The following PRKCH variants were observed in gnomAD, a reference collection of about 807,000 sequenced individuals.
PRKCH encodes the protein protein kinase C eta type.
Under a neutral mutation model 82.5 loss-of-function variants are expected in PRKCH, and 28 were observed. The ratio of observed to expected loss-of-function variants is 0.34; its 90% CI spans 0.25 to 0.47. The LOEUF (loss-of-function observed/expected upper bound fraction) is 0.47. Ranked by LOEUF, PRKCH falls within the 20% of genes least tolerant of loss-of-function variation. The pLI, the probability that PRKCH is intolerant of heterozygous loss-of-function variation, is 1.00. For missense variants in PRKCH, 705 were observed against 881.8 expected, an observed-to-expected ratio of 0.80 and a Z score of 2.54; for synonymous variants, 322 against 327.4, an observed-to-expected ratio of 0.98 and a Z score of 0.18.
chr14:61,274,450 T>TA lies in PRKCH; in HGVS notation c.-19+86782_-19+86783insA, dbSNP rs1457267425. ...TGTTTTATGTAGCTCATTGTGGCTG[T>TA]GATGTGGAGAATAAACTGGAGCCCA... is the stretch of plus-strand genomic sequence containing the variant. On this transcript the variant is annotated intron_variant, in intron 1 of 3. Coordinates refer to the PRKCH transcript ENST00000555185. Among the ~76,000 whole-genome samples, 4 of 152,318 alleles carry TA rather than the reference T, an allele frequency of 2.6e-5. No individual in the cohort carries two copies. In the East Asian group the frequency reaches 7.7e-4, roughly 29 times the overall value.
intron 1 of PRKCH, among the ~76,000 whole-genome samples, chr14:61,244,580 G>A (rs1423042181): frequency 6.6e-6 from 1 of 152,120 alleles, no homozygotes; most frequent in Non-Finnish European, 1.5e-5. Context: ...AATCAACTGG[G>A]CATGTCCTGA....
chr14:61,549,596 G>T, intron 13 of PRKCH, 89 bp from the exon 14 acceptor site: 1 of 1,430,034 alleles, frequency 7.0e-7, no homozygotes, highest in Non-Finnish European at 9.6e-7. Context: ...GCACTCCTCT[G>T]AACTCACTGG....
At chr14:61,527,981 G>A (rs1373771060) in intron 10 of PRKCH, 1 of 152,120 alleles carries the variant, frequency 6.6e-6, no homozygotes, top group Non-Finnish European at 1.5e-5. Flanking sequence ...CCTCCCACTA[G>A]AAGGAATTGT....
intron 1 of PRKCH, among the ~76,000 whole-genome samples, chr14:61,293,525 A>G (rs1470325305): frequency 3.3e-5 from 5 of 152,236 alleles, no homozygotes; most frequent in Non-Finnish European, 5.9e-5. Context: ...TCTTCTGTCC[A>G]GCTTGTACAA....
intron 6 of PRKCH, among the ~76,000 whole-genome samples, chr14:61,452,100 C>G (rs1884538383): frequency 6.6e-6 from 1 of 152,166 alleles, no homozygotes; most frequent in Non-Finnish European, 1.5e-5. Flanking sequence ...CTGCATTGTC[C>G]TCTTCCCTAG....
At chr14:61,384,231 C>T (rs1349485637) in intron 1 of PRKCH, among the ~76,000 whole-genome samples, 1 of 152,076 alleles carries the variant, frequency 6.6e-6, no homozygotes, top group Non-Finnish European at 1.5e-5. Flanking sequence ...TCAGTGATGA[C>T]CACTGGAAGC....
At chr14:61,505,390 C>CTTTTTTTTTTTTTTTT (rs1333577962) in intron 10 of PRKCH, among the ~76,000 whole-genome samples, 2 of 74,760 alleles carry the variant, frequency 2.7e-5, no homozygotes, top group East Asian at 4.9e-4. Flanking sequence ...CTTTTCTTTT[C>CTTTTTTTTTTTTTTTT]TTTTCTTTTT....
At chr14:61,532,526 G>A (rs1026543689) in intron 12 of PRKCH, among the ~76,000 whole-genome samples, 3 of 152,122 alleles carry the variant, frequency 2.0e-5, no homozygotes, top group African/African-American at 7.2e-5. Flanking sequence ...CCTCATTCTC[G>A]TGTTTCAGAG....
chr14:61,455,423 T>C (rs909602425), intron 7 of PRKCH, among the ~76,000 whole-genome samples: 4 of 152,210 alleles, frequency 2.6e-5, no homozygotes, highest in African/African-American at 9.6e-5. Flanking sequence ...GACTGTTACA[T>C]GTGATTTAGA....
intron 10 of PRKCH, 143 bp downstream of exon 10, chr14:61,485,799 T>G: frequency 8.5e-7 from 1 of 1,175,608 alleles, no homozygotes; most frequent in South Asian, 1.5e-5. Context: ...TTTTTGTTTT[T>G]GAGACAGGGT....
intron 1 of PRKCH, among the ~76,000 whole-genome samples, chr14:61,327,421 C>T (rs1284853718): frequency 6.6e-6 from 1 of 152,166 alleles, no homozygotes; most frequent in African/African-American, 2.4e-5. Context: ...CTGATCAACC[C>T]ACAGTGTTTA....
intron 2 of PRKCH, among the ~76,000 whole-genome samples, chr14:61,413,416 CCCG>C (rs1566867807): frequency 9.4e-6 from 1 of 106,676 alleles, no homozygotes; most frequent in Non-Finnish European, 2.1e-5. Context: ...CCCCCCCCGC[CCCG>C]CCCATGTACC....
chr14:61,407,620 G>A (rs1321906028), intron 2 of PRKCH, among the ~76,000 whole-genome samples: 10 of 152,170 alleles, frequency 6.6e-5, no homozygotes, highest in Admixed American at 4.6e-4. Context: ...GTGTCTGGGA[G>A]CTGTCACTTT....
At chr14:61,432,279 A>G (rs774436946) in intron 2 of PRKCH, among the ~76,000 whole-genome samples, 1 of 152,072 alleles carries the variant, frequency 6.6e-6, no homozygotes, top group Non-Finnish European at 1.5e-5. Context: ...ACTAGATGTT[A>G]TTAGTTATTC....
At chr14:61,378,727 A>G (rs539318294) in intron 1 of PRKCH, among the ~76,000 whole-genome samples, 35 of 152,150 alleles carry the variant, frequency 2.3e-4, no homozygotes, top group Admixed American at 2.2e-3. Context: ...GGCACCAGGG[A>G]TCATCATTGC....
intron 1 of PRKCH, among the ~76,000 whole-genome samples, chr14:61,217,551 C>T (rs1301617574): frequency 1.3e-5 from 2 of 152,188 alleles, no homozygotes; most frequent in African/African-American, 4.8e-5. Context: ...TTAGTCCGGC[C>T]TCCTCTATTT....
intron 1 of PRKCH, among the ~76,000 whole-genome samples, chr14:61,274,335 G>A (rs2045184264): frequency 1.3e-5 from 2 of 152,294 alleles, no homozygotes; most frequent in East Asian, 1.9e-4. Context: ...CAACCATGAA[G>A]GTGTGTATGT....
chr14:61,486,336 G>C (rs1886219878), intron 10 of PRKCH, among the ~76,000 whole-genome samples: 1 of 152,204 alleles, frequency 6.6e-6, no homozygotes, highest in South Asian at 2.1e-4. Flanking sequence ...TCAGGAGCTA[G>C]GTGAGCCACT....
At chr14:61,241,965 G>A (rs1180117988) in intron 1 of PRKCH, among the ~76,000 whole-genome samples, 1 of 152,118 alleles carries the variant, frequency 6.6e-6, no homozygotes, top group African/African-American at 2.4e-5. Context: ...TGTTCCCAGT[G>A]CATTTCTAGC....
Sources: gnomAD v4.1 joint callset for allele counts (sites outside exome capture counted in the v4.1 genomes callset) on GRCh38, gnomAD v4.1.1 for gene constraint, MANE v1.5 for transcripts, NCBI Gene and HGNC (gene_info 2026-07-23, HGNC 2026-07-21) for gene names.